The following GDI2 variants were observed in gnomAD, a reference collection of about 807,000 sequenced individuals.
GDI2 encodes rab GDP dissociation inhibitor beta.
In GDI2, 22 loss-of-function variants were observed where a neutral mutation model predicts 54.2. That is an observed-to-expected ratio of 0.41 (90% CI 0.29 to 0.58). GDI2 has a LOEUF of 0.58. Ranked by LOEUF, GDI2 falls within the 20% of genes least tolerant of loss-of-function variation. GDI2 has a pLI of 0.35. For synonymous variants in GDI2, 177 were observed against 182.1 expected (o/e 0.97, Z 0.23); for missense variants, 422 against 546.0 (o/e 0.77, Z 2.26).
At chr10:5,769,906 G>A (rs1840446424) in intron 7 of GDI2, among the ~76,000 whole-genome samples, 1 of 152,134 alleles carries the variant, frequency 6.6e-6, no homozygotes, top group African/African-American at 2.4e-5. Context: ...CTAAACGCAT[G>A]GTCTTGATGA....
Position 5,776,961 on chromosome 10 carries a change from G to A in GDI2, c.720-3020C>T, listed in dbSNP as rs143437698. On this transcript the variant is annotated intron_variant, in intron 6 of 10. Transcript: ENST00000380191. The surrounding 1 kb of genome is among the most constrained non-coding windows in gnomAD (Gnocchi z 5.3). Reference sequence around the variant, plus strand: ...GAAAACCACATAGAAGGGTAATCCCGGAAATGCTTCATCTGGCAGACTGTG... The same window carrying A: ...GAAAACCACATAGAAGGGTAATCCCAGAAATGCTTCATCTGGCAGACTGTG... The A allele has an allele frequency of 1.1e-4, 60 of 532,782 alleles. No individual in the cohort carries two copies. The Middle Eastern group carries it at 2.2e-3, about 19-fold the overall frequency. 33.0% of individuals were successfully genotyped at this position (532,782 alleles called of 1,614,324 possible).
chr10:5,799,321 G>A (rs1348820004), intron 2 of GDI2, among the ~76,000 whole-genome samples: 1 of 151,836 alleles, frequency 6.6e-6, no homozygotes, highest in South Asian at 2.1e-4. Flanking sequence ...TGGGCAACAG[G>A]GCAAGGCCCT....
At position 5,800,687 on chromosome 10, in the gene GDI2, T is replaced by C. The variant is rs966219982; in HGVS notation, c.64A>G (p.Ile22Val). The C allele has an allele frequency of 8.3e-6, 13 of 1,561,722 alleles. No homozygotes were observed. Among genetic ancestry groups the C allele is most frequent in the Non-Finnish European group, 1.1e-5 (13 of 1,132,334 alleles). Residue 22 changes from isoleucine to valine, a missense_variant, in exon 2 of 11, where the codon ATA (isoleucine) becomes GTA (valine). Transcript: ENST00000380191. ...TGLTECILSG[I>V]MSVNGKKVLH... is the part of the protein sequence containing the mutation. ...ACTTTCTTGCCATTCACTGACATTA[T>C]ACCTGACAGGATACATTCCTATAGA...
At chr10:5,805,691 G>T (rs948111597) in intron 1 of GDI2, among the ~76,000 whole-genome samples, 1 of 152,200 alleles carries the variant, frequency 6.6e-6, no homozygotes, top group Non-Finnish European at 1.5e-5. Context: ...TGCTGATGAG[G>T]TGATACTGAT....
chr10:5,810,188 T>C (rs1390159973), intron 1 of GDI2, among the ~76,000 whole-genome samples: 1 of 152,216 alleles, frequency 6.6e-6, no homozygotes, highest in African/African-American at 2.4e-5. Flanking sequence ...GTATCTGGGA[T>C]GTAAAGCAAG....
At chr10:5,777,288 C>T (rs1840646069) in intron 6 of GDI2, among the ~76,000 whole-genome samples, 1 of 152,206 alleles carries the variant, frequency 6.6e-6, no homozygotes, top group African/African-American at 2.4e-5. Context: ...GCCTGGCCAA[C>T]ATGGTGAAAC....
In GDI2 at chr10:5,801,930, C is replaced by T. The variant is rs143432097; in HGVS notation, c.46-1225G>A. Among the ~76,000 whole-genome samples the T allele has an allele frequency of 3.6e-3, 542 of 152,146 alleles. 3 individuals are homozygous for T. The highest frequency in any genetic ancestry group is 0.012 in the African/African-American group (515 of 41,508). On this transcript the variant is annotated intron_variant, in intron 1 of 10. Transcript: ENST00000380191. Reference sequence around the variant, plus strand: ...GGAGGCTGAGGCAGAACTGCTTGAACCCAGGAGGCAGAGGCTGCTGTGAGC... The same window carrying T: ...GGAGGCTGAGGCAGAACTGCTTGAATCCAGGAGGCAGAGGCTGCTGTGAGC...
chr10:5,783,767 T>A (rs1840811328), intron 6 of GDI2, among the ~76,000 whole-genome samples: 1 of 152,198 alleles, frequency 6.6e-6, no homozygotes, highest in Admixed American at 6.5e-5. Context: ...CAAGATAGGA[T>A]CCCAATCCCT....
intron 4 of GDI2, among the ~76,000 whole-genome samples, chr10:5,791,752 A>G (rs75291116): frequency 0.061 from 1,946 of 31,834 alleles, 43 homozygotes; most frequent in African/African-American, 0.14. Flanking sequence ...AAAAAAAAGA[A>G]AAAAAAAAAA....
At chr10:5,809,244 C>CAAAAAAAAAACAAAAAAAAAAAAAAAA (rs1554791052) in intron 1 of GDI2, among the ~76,000 whole-genome samples, 1 of 134,166 alleles carries the variant, frequency 7.5e-6, no homozygotes, top group Admixed American at 7.8e-5. Flanking sequence ...GACTCCATCT[C>CAAAAAAAAAACAAAAAAAAAAAAAAAA]AAAAAAAAAC....
At chr10:5,806,405 T>A (rs544676174) in intron 1 of GDI2, among the ~76,000 whole-genome samples, 1,401 of 134,630 alleles carry the variant, frequency 0.01, 18 homozygotes, top group East Asian at 0.052. Flanking sequence ...AAAGAAAATT[T>A]AAAAAAAAAA....
chr10:5,766,239 A>G lies in GDI2; in HGVS notation c.1191+2T>C, dbSNP rs756208062. On this transcript the variant is annotated splice_donor_variant, in intron 10 of 10. Transcript: ENST00000380191. LOFTEE classifies it high-confidence loss of function. This position sits in a 1 kb window ranked among gnomAD's most constrained non-coding sequence, Gnocchi z 5.8. ...CATATCCTTTCACACTTCCATACTC[A>G]CCTGGCTTTCTGTTCCCAAGTCTTT... The G allele has an allele frequency of 6.2e-7, 1 of 1,612,670 alleles. No homozygotes were observed. The highest frequency in any genetic ancestry group is 8.5e-7 in the Non-Finnish European group (1 of 1,178,640).
rs764807807 is a variant in GDI2, at chr10:5,766,312, T to C, written c.1137-17A>G. 1.2e-6 allele frequency: 2 copies of C among 1,604,520 alleles called. No homozygotes were observed. Among genetic ancestry groups the C allele is most frequent in the South Asian group, 2.2e-5 (2 of 90,908 alleles). ...CTAACAAATCTGGAGGGAGAGAGAA[T>C]TCAGTCAGGTGAGCTGGTCCCACAC... On this transcript the variant is annotated splice_polypyrimidine_tract_variant and intron_variant, in intron 9 of 10. Transcript: ENST00000380191. The surrounding 1 kb of genome is among the most constrained non-coding windows in gnomAD (Gnocchi z 5.8).
chr10:5,795,785 GCCAGGTGTGGTGGAACAC>G (rs1410161389), intron 3 of GDI2, among the ~76,000 whole-genome samples: 1 of 152,074 alleles, frequency 6.6e-6, no homozygotes, highest in Non-Finnish European at 1.5e-5. Flanking sequence ...AAAAAAATTA[GCCAGGTGTGGTGGAACAC>G]CCAGGTGTGG....
At chr10:5,789,404 GATTTTTTTTT>G (rs565257684) in intron 4 of GDI2, among the ~76,000 whole-genome samples, 1 of 151,756 alleles carries the variant, frequency 6.6e-6, no homozygotes, top group East Asian at 1.9e-4. Context: ...CCGGCCAAAT[GATTTTTTTTT>G]TAAGAGATAG....
At chr10:5,801,639 G>A (rs1488887410) in intron 1 of GDI2, among the ~76,000 whole-genome samples, 1 of 152,048 alleles carries the variant, frequency 6.6e-6, no homozygotes, top group Admixed American at 6.6e-5. Context: ...TCACACCACT[G>A]CACTCCAGCC....
intron 7 of GDI2, among the ~76,000 whole-genome samples, chr10:5,772,033 T>TG (rs1840500337): frequency 6.6e-6 from 1 of 151,660 alleles, no homozygotes; most frequent in Non-Finnish European, 1.5e-5. Flanking sequence ...GAAGTTGCAG[T>TG]AACCAAGATC....
intron 4 of GDI2, among the ~76,000 whole-genome samples, chr10:5,794,189 ATATATATAT>A (rs1487181943): frequency 0.034 from 1,139 of 33,864 alleles, 24 homozygotes; most frequent in African/African-American, 0.048. Flanking sequence ...AAAAAAAAAA[ATATATATAT>A]ATATATATAT....
intron 1 of GDI2, among the ~76,000 whole-genome samples, chr10:5,802,371 C>G (rs913010104): frequency 2.0e-5 from 3 of 151,908 alleles, no homozygotes; most frequent in Non-Finnish European, 2.9e-5. Context: ...GAGGCCGAGG[C>G]GGGTGGATCA....
Sources: gnomAD v4.1 joint callset for allele counts (sites outside exome capture counted in the v4.1 genomes callset) on GRCh38, gnomAD v4.1.1 for gene constraint, Gnocchi (gnomAD v3.1) non-coding constraint, MANE v1.5 for transcripts, NCBI Gene and HGNC (gene_info 2026-07-23, HGNC 2026-07-21) for gene names.